Variants in KRIT1 observed in about 807,000 individuals in gnomAD.
KRIT1 encodes the protein KRIT1 ankyrin repeat containing, also known as krev interaction trapped protein 1.
KRIT1 carries 45 observed loss-of-function variants against 95.8 expected under a neutral mutation model. The observed-to-expected ratio is 0.47, with a 90% CI of 0.37 to 0.60. KRIT1 has a LOEUF of 0.60. Among genes scored for constraint, KRIT1 ranks in the 20% least tolerant of loss-of-function variants. KRIT1 has a pLI of 0.00. For missense variants in KRIT1, 788 were observed against 877.5 expected (o/e 0.90, Z 1.29); for synonymous variants, 282 against 278.8 (o/e 1.01, Z -0.11).
At chr7:92,215,399 T>C (rs1793745737) in intron 14 of KRIT1, among the ~76,000 whole-genome samples, 1 of 152,246 alleles carries the variant, frequency 6.6e-6, no homozygotes, top group Admixed American at 6.5e-5. Flanking sequence ...AAAAGCCTGT[T>C]GTAAGACATT....
chr7:92,214,590 T>C (rs756906836), intron 15 of KRIT1, 21 bp downstream of exon 15: 3 of 1,558,978 alleles, frequency 1.9e-6, no homozygotes, highest in Middle Eastern at 1.7e-4. Flanking sequence ...CACAAGACCA[T>C]GCATAATATT....
chr7:92,234,878 C>T lies in KRIT1; in HGVS notation c.775G>A (p.Asp259Asn). ...TTAGGTATTTGGATTTTTGAGTAGTCTGGAGCTCCTAGACCAAAGTATGGA... is the reference window on the plus strand; with the variant it reads ...TTAGGTATTTGGATTTTTGAGTAGTTTGGAGCTCCTAGACCAAAGTATGGA... ...INPYFGLGAP[D>N]YSKIQIPKQE... Residue 259 changes from aspartate to asparagine, a missense_variant, in exon 9 of 19, where the codon GAC (aspartate) becomes AAC (asparagine). By Grantham distance (23) the Asp-to-Asn change is conservative (BLOSUM62 1). Around this residue, in one of 3 missense-constraint regions of KRIT1, gnomAD observed 493 missense variants for 582.3 expected, o/e 0.85. Coordinates refer to ENST00000394505, the MANE Select transcript of KRIT1 (RefSeq NM_194454.3). 3 of 1,607,020 alleles carry T rather than the reference C, an allele frequency of 1.9e-6. No individual in the cohort carries two copies. The highest frequency in any genetic ancestry group is 2.6e-6 in the Non-Finnish European group (3 of 1,173,622).
At chr7:92,213,570 A>T (rs544105000) in intron 16 of KRIT1, among the ~76,000 whole-genome samples, 169 bp from the exon 17 acceptor site, 26 of 148,774 alleles carry the variant, frequency 1.7e-4, no homozygotes, top group African/African-American at 5.6e-4. Context: ...TGTTAATATT[A>T]AAAAAAAAAA....
intron 13 of KRIT1, 60 bp from the exon 14 acceptor site, chr7:92,222,113 A>T: frequency 7.7e-7 from 1 of 1,299,330 alleles, no homozygotes; most frequent in Non-Finnish European, 1.1e-6. Flanking sequence ...ATCAATGCAT[A>T]GAAACTTTGT....
At chr7:92,205,568 C>T (rs1217773914) in intron 17 of KRIT1, 1 of 151,882 alleles carries the variant, frequency 6.6e-6, no homozygotes, top group African/African-American at 2.4e-5. Flanking sequence ...GTGAAACCCC[C>T]CTATGAAAAA....
At chr7:92,213,059 C>G (rs187307108) in intron 17 of KRIT1, 136 bp downstream of exon 17, 94 of 630,466 alleles carry the variant, frequency 1.5e-4, no homozygotes, top group Admixed American at 9.4e-4. Context: ...ATTTAGTGTC[C>G]CCCTTCCTCT....
chr7:92,243,081 A>G (rs758517358), intron 3 of KRIT1, among the ~76,000 whole-genome samples: 1 of 152,112 alleles, frequency 6.6e-6, no homozygotes, highest in Non-Finnish European at 1.5e-5. Context: ...CGGCCTCCCA[A>G]AGTGCTCGGA....
intron 15 of KRIT1, among the ~76,000 whole-genome samples, chr7:92,214,240 T>G (rs1296491511): frequency 6.6e-6 from 1 of 152,156 alleles, no homozygotes; most frequent in Non-Finnish European, 1.5e-5. Flanking sequence ...CAGATATGCT[T>G]AAAACCTCAG....
At chr7:92,239,853 G>GGC (rs1639909953) in intron 5 of KRIT1, among the ~76,000 whole-genome samples, 1 of 151,852 alleles carries the variant, frequency 6.6e-6, no homozygotes, top group Admixed American at 6.6e-5. Flanking sequence ...TGGGACTATA[G>GGC]GCGTGTACCA....
chr7:92,243,168 G>A (rs539082376), intron 3 of KRIT1, among the ~76,000 whole-genome samples: 13 of 152,196 alleles, frequency 8.5e-5, no homozygotes, highest in Middle Eastern at 3.4e-3. Flanking sequence ...GTGTGTGTGC[G>A]TGTGTGTTAT....
At chr7:92,235,763 TTTTAA>T (rs1422060572) in intron 7 of KRIT1, 117 bp from the exon 8 acceptor site, 1 of 956,490 alleles carries the variant, frequency 1.0e-6, no homozygotes, top group African/African-American at 1.6e-5. Flanking sequence ...ATTTTTATAA[TTTTAA>T]TTTAGTGTTA....
At position 92,242,490 on chromosome 7, in the gene KRIT1, A is replaced by G. The variant is rs541726043; in HGVS notation, c.-2-353T>C. 2.0e-5 allele frequency among the ~76,000 whole-genome samples: 3 copies of G among 152,364 alleles called. No homozygotes were observed. In the South Asian group the frequency reaches 6.2e-4, roughly 32 times the overall value. On this transcript the variant is annotated intron_variant, in intron 3 of 18. Coordinates refer to ENST00000394505, the MANE Select transcript of KRIT1 (RefSeq NM_194454.3). ...CCAAAAAAAAGTGATGATGATTATA[A>G]AATAACTTGTAAATAATGACTTGAA...
chr7:92,213,048 G>C (rs1017302448), intron 17 of KRIT1, 147 bp downstream of exon 17: 2 of 621,434 alleles, frequency 3.2e-6, no homozygotes, highest in African/African-American at 3.7e-5. Flanking sequence ...TACTGACAGT[G>C]ATTTAGTGTC....
intron 10 of KRIT1, among the ~76,000 whole-genome samples, chr7:92,232,172 C>T (rs1223471261): frequency 6.6e-6 from 1 of 152,196 alleles, no homozygotes; most frequent in African/African-American, 2.4e-5. Context: ...CAGTCATCTG[C>T]CCTTCTTGGC....
chr7:92,201,084 A>C (rs903009308), intron 18 of KRIT1, among the ~76,000 whole-genome samples: 1 of 152,216 alleles, frequency 6.6e-6, no homozygotes, highest in African/African-American at 2.4e-5. Flanking sequence ...CAGAATGAAA[A>C]GACATGGCAA....
intron 17 of KRIT1, chr7:92,202,113 C>G (rs1168190787): frequency 6.6e-6 from 1 of 152,168 alleles, no homozygotes; most frequent in African/African-American, 2.4e-5. Flanking sequence ...GTTTATGCAA[C>G]TGGGTTAACA....
In KRIT1 at chr7:92,235,709, ACTAT is replaced by A. The variant is rs373086847; in HGVS notation, c.486-67_486-64del. ...AAAGTGAAGATGAAAAAGATAGATTACTATCTAACTCTGATATATGACACTTGTG... is the reference window on the plus strand; with the variant it reads ...AAAGTGAAGATGAAAAAGATAGATTACTAACTCTGATATATGACACTTGTG... On this transcript the variant is annotated intron_variant, in intron 7 of 18. Coordinates refer to ENST00000394505, the MANE Select transcript of KRIT1 (RefSeq NM_194454.3). The A allele has an allele frequency of 4.4e-4, 647 of 1,454,118 alleles. 5 individuals are homozygous for A. The African/African-American group carries it at 7.8e-3, about 17-fold the overall frequency. 90.1% of individuals were successfully genotyped at this position (1,454,118 alleles called of 1,614,324 possible). A position where few individuals can be genotyped will look rare whatever the true frequency, so the allele number is the denominator to read the frequency against.
rs1473830623 is a variant in KRIT1, at chr7:92,200,143, C to A, written c.*593G>T. On this transcript the variant is annotated 3_prime_UTR_variant, in exon 19 of 19. Transcript: ENST00000394505. ...TCCACCCCAAATTCCTTACCATTTACCAAAAATAACTTTTTATAAAGCTTA... is the reference window on the plus strand; with the variant it reads ...TCCACCCCAAATTCCTTACCATTTAACAAAAATAACTTTTTATAAAGCTTA... 1 of 152,730 alleles carries A rather than the reference C, an allele frequency of 6.5e-6. No individual in the cohort carries two copies. The highest frequency in any genetic ancestry group is 1.5e-5 in the Non-Finnish European group (1 of 68,216). The allele number at this position is 152,730 out of a possible 1,614,324, so 9.5% of individuals were successfully genotyped here. A position where few individuals can be genotyped will look rare whatever the true frequency, so the allele number is the denominator to read the frequency against.
intron 14 of KRIT1, among the ~76,000 whole-genome samples, chr7:92,217,062 A>AT (rs886370291): frequency 1.3e-5 from 2 of 152,218 alleles, no homozygotes; most frequent in Admixed American, 1.3e-4. Flanking sequence ...CTGGTTTACC[A>AT]TAAGAACTTA....
Sources: allele counts gnomAD v4.1 joint callset (sites outside exome capture counted in the v4.1 genomes callset), GRCh38; gene constraint gnomAD v4.1.1; regional missense constraint gnomAD v4.1.1; transcripts MANE v1.5; gene names NCBI Gene and HGNC (gene_info 2026-07-23, HGNC 2026-07-21).